Variants in CSMD3 observed in about 807,000 individuals in gnomAD.
The protein encoded by CSMD3 is CUB and sushi domain-containing protein 3.
CSMD3 carries 177 observed loss-of-function variants against 435.2 expected under a neutral mutation model. The observed-to-expected ratio is 0.41, with a 90% CI of 0.36 to 0.46. The LOEUF (loss-of-function observed/expected upper bound fraction) is 0.46. Among genes scored for constraint, CSMD3 ranks in the 20% least tolerant of loss-of-function variants. The probability of loss-of-function intolerance (pLI) is 0.34; values close to 1 mark genes in which losing one functional copy is unlikely to be tolerated. For missense variants in CSMD3, 4,265 were observed against 4,504.6 expected, an observed-to-expected ratio of 0.95 and a Z score of 1.52; for synonymous variants, 1,656 against 1,520.5, an observed-to-expected ratio of 1.09 and a Z score of -2.07.
chr8:113,423,535 A>G (rs2094619633), intron 1 of CSMD3, among the ~76,000 whole-genome samples: 1 of 152,024 alleles, frequency 6.6e-6, no homozygotes, highest in Admixed American at 6.6e-5. Context: ...GCACAGAGAT[A>G]TATTGTTTAT....
chr8:113,414,517 A>G (rs2094573152), intron 1 of CSMD3, among the ~76,000 whole-genome samples: 1 of 152,116 alleles, frequency 6.6e-6, no homozygotes, highest in African/African-American at 2.4e-5. Context: ...TTTAGTAGGC[A>G]GAAAGTACAA....
Position 112,888,086 on chromosome 8 carries a change from T to C in CSMD3, c.1634-28820A>G, listed in dbSNP as rs186791524. 2.6e-5 allele frequency among the ~76,000 whole-genome samples: 4 copies of C among 151,842 alleles called. No individual in the cohort carries two copies. The East Asian group carries it at 7.8e-4, about 30-fold the overall frequency. On this transcript the variant is annotated intron_variant, in intron 10 of 70. Coordinates refer to ENST00000297405, the MANE Select transcript of CSMD3 (RefSeq NM_198123.2). ...AGAAATTGTCTTTGATGTCTATTCC[T>C]GAGAAACATATCAGTGATTTCACCA...
chr8:112,769,823 T>C (rs1305330719), intron 13 of CSMD3, among the ~76,000 whole-genome samples: 1 of 151,950 alleles, frequency 6.6e-6, no homozygotes, highest in Non-Finnish European at 1.5e-5. Context: ...TTTATTTAAG[T>C]TGAAAAAATT....
chr8:112,607,297 A>G (rs1832873728), intron 22 of CSMD3, among the ~76,000 whole-genome samples: 1 of 151,970 alleles, frequency 6.6e-6, no homozygotes, highest in African/African-American at 2.4e-5. Context: ...AGAAATATTA[A>G]TATAAATAGA....
At chr8:113,087,905 C>T (rs1225016724) in intron 5 of CSMD3, among the ~76,000 whole-genome samples, 1 of 151,946 alleles carries the variant, frequency 6.6e-6, no homozygotes, top group African/African-American at 2.4e-5. Context: ...TAAAAACTAC[C>T]ATCAGAGTGA....
At chr8:112,264,993 A>G (rs1487350216) in intron 60 of CSMD3, among the ~76,000 whole-genome samples, 2 of 152,078 alleles carry the variant, frequency 1.3e-5, no homozygotes, top group Non-Finnish European at 2.9e-5. Flanking sequence ...TTACGGTTCT[A>G]TAATTCAGGC....
chr8:112,854,058 G>A (rs1198166294), intron 11 of CSMD3, among the ~76,000 whole-genome samples: 1 of 151,770 alleles, frequency 6.6e-6, no homozygotes, highest in Non-Finnish European at 1.5e-5. Context: ...TTTCTTTCTG[G>A]ATGAAAAAAG....
At chr8:112,814,274 T>G (rs1374068600) in intron 12 of CSMD3, among the ~76,000 whole-genome samples, 1 of 152,188 alleles carries the variant, frequency 6.6e-6, no homozygotes, top group African/African-American at 2.4e-5. Flanking sequence ...AATAGTTCTT[T>G]TTGGAATTTA....
intron 8 of CSMD3, among the ~76,000 whole-genome samples, chr8:112,950,385 C>T (rs1172868439): frequency 6.6e-6 from 1 of 151,812 alleles, no homozygotes; most frequent in African/African-American, 2.4e-5. Context: ...TTAAGCCTAA[C>T]TACTTTTTTG....
At position 112,519,607 on chromosome 8, in the gene CSMD3, C is replaced by T. The variant is rs186807506; in HGVS notation, c.4565-2382G>A. ...CACAGAAAAAGTATACAAATAGAAG[C>T]ATATGTCAATAGCTAATAATGCTAA... On this transcript the variant is annotated intron_variant, in intron 27 of 70. Transcript: ENST00000297405. Among the ~76,000 whole-genome samples, 47 of 152,208 alleles carry T rather than the reference C, an allele frequency of 3.1e-4. No individual in the cohort carries two copies. In the East Asian group the frequency reaches 3.9e-3, roughly 12 times the overall value.
chr8:112,297,501 A>G (rs62514396), intron 53 of CSMD3, among the ~76,000 whole-genome samples: 30,532 of 152,010 alleles, frequency 0.2, 3,645 homozygotes, highest in East Asian at 0.36. Flanking sequence ...ATCTATGCAG[A>G]AAAAGTATGT....
chr8:113,342,175 CTG>C (rs2094124006), intron 1 of CSMD3, among the ~76,000 whole-genome samples: 1 of 151,818 alleles, frequency 6.6e-6, no homozygotes, highest in Non-Finnish European at 1.5e-5. Flanking sequence ...AATAATTAAA[CTG>C]TGTCGGAAAG....
At chr8:112,368,978 A>G (rs1263665475) in intron 38 of CSMD3, among the ~76,000 whole-genome samples, 2 of 152,194 alleles carry the variant, frequency 1.3e-5, no homozygotes, top group African/African-American at 4.8e-5. Flanking sequence ...ATAATAGCAT[A>G]ATGTTGTATA....
intron 12 of CSMD3, among the ~76,000 whole-genome samples, chr8:112,828,182 G>A (rs1418808617): frequency 6.6e-6 from 1 of 152,134 alleles, no homozygotes; most frequent in Non-Finnish European, 1.5e-5. Context: ...GTTCAGTATG[G>A]TAATATGCCT....
intron 22 of CSMD3, among the ~76,000 whole-genome samples, chr8:112,590,490 G>T (rs1344699919): frequency 1.3e-5 from 2 of 152,064 alleles, no homozygotes; most frequent in Non-Finnish European, 2.9e-5. Context: ...GGAACTGAAA[G>T]ACCTGATATG....
intron 18 of CSMD3, 35 bp from the exon 19 acceptor site, chr8:112,650,384 T>C (rs1401567283): frequency 6.5e-7 from 1 of 1,531,234 alleles, no homozygotes; most frequent in East Asian, 2.2e-5. Context: ...AAGAGTAAGC[T>C]TGGTGGGATT....
At chr8:112,506,091 A>G (rs1188945520) in intron 29 of CSMD3, among the ~76,000 whole-genome samples, 1 of 152,156 alleles carries the variant, frequency 6.6e-6, no homozygotes, top group African/African-American at 2.4e-5. Flanking sequence ...GCATAAAACT[A>G]AAATTATCAT....
chr8:112,587,639 A>C (rs1384067616), intron 22 of CSMD3, among the ~76,000 whole-genome samples: 1 of 151,868 alleles, frequency 6.6e-6, no homozygotes, highest in Non-Finnish European at 1.5e-5. Context: ...CTTTTAAAAC[A>C]TTTTTACCTT....
Position 112,554,913 on chromosome 8 carries a change from T to C in CSMD3, c.4234+1850A>G, listed in dbSNP as rs550147462. ...GCTAAAACATAGCTGTAGAAGATATTTAAGGTTAATGAGCACAGGCTATTA... is the reference window on the plus strand; with the variant it reads ...GCTAAAACATAGCTGTAGAAGATATCTAAGGTTAATGAGCACAGGCTATTA... On this transcript the variant is annotated intron_variant, in intron 25 of 70. Transcript: ENST00000297405. Among the ~76,000 whole-genome samples the C allele has an allele frequency of 7.2e-5, 11 of 152,070 alleles. No individual in the cohort carries two copies. In the South Asian group the frequency reaches 2.3e-3, roughly 32 times the overall value.
Sources: gnomAD v4.1 joint callset for allele counts (sites outside exome capture counted in the v4.1 genomes callset) on GRCh38, gnomAD v4.1.1 for gene constraint, MANE v1.5 for transcripts, NCBI Gene and HGNC (gene_info 2026-07-23, HGNC 2026-07-21) for gene names.